The following SPATA16 variants were observed in gnomAD, a reference collection of about 807,000 sequenced individuals.
SPATA16 encodes the protein spermatogenesis-associated protein 16.
SPATA16 carries 36 observed loss-of-function variants against 63.3 expected under a neutral mutation model. The ratio of observed to expected loss-of-function variants is 0.57; its 90% CI spans 0.44 to 0.75. The LOEUF is 0.75. Among genes scored for constraint, SPATA16 ranks in the 30% least tolerant of loss-of-function variants. The pLI, the probability that SPATA16 is intolerant of heterozygous loss-of-function variation, is 0.00. For synonymous variants in SPATA16, 203 were observed against 216.7 expected (o/e 0.94, Z 0.56); for missense variants, 646 against 679.3 (o/e 0.95, Z 0.54).
intron 1 of SPATA16, among the ~76,000 whole-genome samples, 174 bp downstream of exon 1, chr3:173,140,929 T>C (rs9829256): frequency 1.3e-5 from 2 of 152,034 alleles, no homozygotes; most frequent in Admixed American, 1.3e-4. Context: ...TCTTGGTTAC[T>C]TATTAGGGCT....
At chr3:172,944,851 T>A (rs1733243490) in intron 6 of SPATA16, among the ~76,000 whole-genome samples, 1 of 152,160 alleles carries the variant, frequency 6.6e-6, no homozygotes, top group Admixed American at 6.5e-5. Context: ...GAGTTATTAT[T>A]TAATGGGTAG....
chr3:172,891,772 T>C (rs1731899966), intron 10 of SPATA16, among the ~76,000 whole-genome samples: 1 of 152,172 alleles, frequency 6.6e-6, no homozygotes, highest in African/African-American at 2.4e-5. Flanking sequence ...AACATGTCCA[T>C]TAGAACACTT....
chr3:173,020,021 T>C (rs898582849), intron 3 of SPATA16, among the ~76,000 whole-genome samples: 2 of 148,586 alleles, frequency 1.3e-5, no homozygotes, highest in African/African-American at 4.9e-5. Flanking sequence ...GGAGGCTGGG[T>C]GCGGTGGCTC....
At chr3:173,109,408 G>A (rs1048733528) in intron 2 of SPATA16, among the ~76,000 whole-genome samples, 2 of 152,250 alleles carry the variant, frequency 1.3e-5, no homozygotes, top group Non-Finnish European at 2.9e-5. Flanking sequence ...CCACGACCAT[G>A]TGGATAAAAA....
At chr3:172,902,019 G>A (rs770818378) in intron 10 of SPATA16, among the ~76,000 whole-genome samples, 11 of 152,090 alleles carry the variant, frequency 7.2e-5, no homozygotes, top group Non-Finnish European at 1.0e-4. Context: ...CCCTGTTAGG[G>A]TAGGAAGATT....
At chr3:172,907,857 C>T (rs952917099) in intron 10 of SPATA16, among the ~76,000 whole-genome samples, 1 of 152,082 alleles carries the variant, frequency 6.6e-6, no homozygotes, top group African/African-American at 2.4e-5. Flanking sequence ...GTATTACAGA[C>T]GTGAGCCACC....
At position 173,105,900 on chromosome 3, in the gene SPATA16, C is replaced by T. The variant is rs377529529; in HGVS notation, c.612+11220G>A. 1.5e-4 allele frequency among the ~76,000 whole-genome samples: 23 copies of T among 151,432 alleles called. 1 individual carries two copies. The highest frequency in any genetic ancestry group is 3.3e-4 in the Admixed American group (5 of 15,210). ...AGATAGATAGAGATATATCTGGATACGTAACAAAGTTTTTACAAAGTAAAA... is the reference window on the plus strand; with the variant it reads ...AGATAGATAGAGATATATCTGGATATGTAACAAAGTTTTTACAAAGTAAAA... On this transcript the variant is annotated intron_variant, in intron 2 of 10. Coordinates refer to ENST00000351008, the MANE Select transcript of SPATA16 (RefSeq NM_031955.6).
intron 2 of SPATA16, among the ~76,000 whole-genome samples, chr3:173,064,320 CAAAAAA>C (rs59773490): frequency 1.7e-5 from 1 of 57,672 alleles, no homozygotes. Context: ...ACACGCACAC[CAAAAAA>C]AAAAAAAAAA....
intron 7 of SPATA16, 25 bp downstream of exon 7, chr3:172,925,321 G>T (rs753481813): frequency 1.2e-6 from 2 of 1,613,392 alleles, no homozygotes; most frequent in African/African-American, 2.7e-5. Context: ...CTATATGCTA[G>T]ACCTTGTAGG....
intron 1 of SPATA16, among the ~76,000 whole-genome samples, chr3:173,129,551 C>T (rs1297059515): frequency 6.6e-6 from 1 of 151,692 alleles, no homozygotes; most frequent in Non-Finnish European, 1.5e-5. Context: ...ACTGCATGTA[C>T]AGATTTCTGT....
intron 6 of SPATA16, among the ~76,000 whole-genome samples, chr3:172,933,688 C>T (rs1732919478): frequency 6.6e-6 from 1 of 152,182 alleles, no homozygotes; most frequent in Non-Finnish European, 1.5e-5. Context: ...AGCAGTCCCA[C>T]CTGTGGATCT....
intron 2 of SPATA16, among the ~76,000 whole-genome samples, chr3:173,060,568 A>G (rs527719605): frequency 2.0e-5 from 3 of 152,324 alleles, no homozygotes; most frequent in South Asian, 2.1e-4. Context: ...AATTTTTACA[A>G]TTTCTAAGAT....
In SPATA16 at chr3:173,008,627, T is replaced by C. The variant is rs139151775; in HGVS notation, c.848+10859A>G. The stretch of plus-strand genomic sequence containing the variant: ...TAAAATATTAAAAACAGGAAATTAC[T>C]TTTTGCCTTTGATCTTAGCCAAAGG... On this transcript the variant is annotated intron_variant, in intron 4 of 10. Transcript: ENST00000351008. Among the ~76,000 whole-genome samples the C allele has an allele frequency of 1.3e-3, 202 of 152,262 alleles. 6 individuals carry two copies. The East Asian group carries it at 0.035, about 27-fold the overall frequency.
intron 3 of SPATA16, among the ~76,000 whole-genome samples, chr3:173,037,466 CAA>C (rs1183417849): frequency 6.6e-6 from 1 of 152,034 alleles, no homozygotes; most frequent in Non-Finnish European, 1.5e-5. Flanking sequence ...GTTAAGCACT[CAA>C]AAATCAAACA....
intron 6 of SPATA16, 58 bp from the exon 7 acceptor site, chr3:172,925,550 G>GT (rs1732710939): frequency 1.9e-6 from 3 of 1,607,850 alleles, no homozygotes; most frequent in Non-Finnish European, 2.6e-6. Context: ...TATTTTTAGG[G>GT]TTTTCCCCCC....
At chr3:173,019,661 T>A (rs1735274276) in intron 3 of SPATA16, 86 bp from the exon 4 acceptor site, 1 of 1,216,362 alleles carries the variant, frequency 8.2e-7, no homozygotes, top group African/African-American at 1.5e-5. Context: ...TCACAGGCAT[T>A]CAATTTTATA....
rs76050108 is a variant in SPATA16, at chr3:172,989,981, A to T, written c.849-12929T>A. Reference sequence around the variant, plus strand: ...CCCTCTTTAACCCTTATTACAGTTAACCCTTGAATATTCTTGTTTTCTACC... The same window carrying T: ...CCCTCTTTAACCCTTATTACAGTTATCCCTTGAATATTCTTGTTTTCTACC... On this transcript the variant is annotated intron_variant, in intron 4 of 10. Coordinates refer to ENST00000351008, the MANE Select transcript of SPATA16 (RefSeq NM_031955.6). Among the ~76,000 whole-genome samples the T allele has an allele frequency of 3.8e-3, 575 of 152,096 alleles. 9 individuals are homozygous for T. The East Asian group carries it at 0.059, about 16-fold the overall frequency.
At chr3:173,082,698 A>G (rs1443218631) in intron 2 of SPATA16, among the ~76,000 whole-genome samples, 1 of 152,164 alleles carries the variant, frequency 6.6e-6, no homozygotes, top group African/African-American at 2.4e-5. Context: ...ATGCCCACAG[A>G]TATCCCCTCA....
At chr3:172,917,399 T>A (rs924735219) in intron 8 of SPATA16, among the ~76,000 whole-genome samples, 1 of 152,192 alleles carries the variant, frequency 6.6e-6, no homozygotes, top group Admixed American at 6.5e-5. Flanking sequence ...GAAATGGGAA[T>A]TCAAAAGAGG....
Sources: gnomAD v4.1 joint callset for allele counts (sites outside exome capture counted in the v4.1 genomes callset) on GRCh38, gnomAD v4.1.1 for gene constraint, MANE v1.5 for transcripts, NCBI Gene and HGNC (gene_info 2026-07-23, HGNC 2026-07-21) for gene names.